The following SNX29 variants were observed in gnomAD, a reference collection of about 807,000 sequenced individuals.
SNX29 encodes the protein sorting nexin 29.
Under a neutral mutation model 102.1 loss-of-function variants are expected in SNX29, and 78 were observed. The observed-to-expected ratio is 0.76, with a 90% CI of 0.64 to 0.92. SNX29 has a LOEUF of 0.92. SNX29 is among the 40% of genes least tolerant of loss of function. The pLI, the probability that SNX29 is intolerant of heterozygous loss-of-function variation, is 0.00. For missense variants in SNX29, 1,280 were observed against 1,061.7 expected (o/e 1.21, Z -2.86); for synonymous variants, 580 against 414.5 (o/e 1.40, Z -4.85).
At chr16:12,166,646 T>C (rs1478579339) in intron 13 of SNX29, among the ~76,000 whole-genome samples, 2 of 152,196 alleles carry the variant, frequency 1.3e-5, no homozygotes, top group Non-Finnish European at 2.9e-5. Flanking sequence ...AATTGTTATG[T>C]AGACACAGCT....
At chr16:12,472,881 G>C (rs961161053) in intron 18 of SNX29, among the ~76,000 whole-genome samples, 8 of 152,158 alleles carry the variant, frequency 5.3e-5, no homozygotes, top group African/African-American at 1.9e-4. Flanking sequence ...GAAAGGGTTT[G>C]CCCCGATGCC....
At chr16:12,149,268 A>G (rs191403433) in intron 13 of SNX29, among the ~76,000 whole-genome samples, 49 of 152,276 alleles carry the variant, frequency 3.2e-4, no homozygotes, top group Non-Finnish European at 6.2e-4. Context: ...GTGTGTGCCA[A>G]CTTCTCGTAC....
intron 17 of SNX29, among the ~76,000 whole-genome samples, chr16:12,399,392 C>G (rs1228229319): frequency 6.6e-6 from 1 of 152,186 alleles, no homozygotes; most frequent in Non-Finnish European, 1.5e-5. Flanking sequence ...ACAAATAGAT[C>G]CCTTAGGCTG....
intron 15 of SNX29, among the ~76,000 whole-genome samples, chr16:12,302,560 A>AG (rs1491232082): frequency 1.3e-5 from 2 of 151,958 alleles, no homozygotes; most frequent in African/African-American, 4.9e-5. Context: ...GTGGAAGGAC[A>AG]GGGGGTCTCT....
At chr16:12,134,429 T>G (rs745717401) in intron 13 of SNX29, among the ~76,000 whole-genome samples, 19 of 152,340 alleles carry the variant, frequency 1.2e-4, no homozygotes, top group Non-Finnish European at 2.5e-4. Context: ...TGCTGTCATC[T>G]GAAGGCTTGA....
intron 19 of SNX29, chr16:12,515,393 C>A: frequency 2.4e-6 from 1 of 415,998 alleles, no homozygotes; most frequent in Admixed American, 2.6e-5. Context: ...ATATATGTGA[C>A]TGGAGAGCTG....
chr16:12,213,396 G>T (rs1345830744), intron 14 of SNX29, among the ~76,000 whole-genome samples: 5 of 152,104 alleles, frequency 3.3e-5, no homozygotes, highest in Admixed American at 3.3e-4. Flanking sequence ...TGAGTGACAG[G>T]TACACTGAAA....
chr16:12,481,618 T>G (rs1340989527), intron 19 of SNX29, among the ~76,000 whole-genome samples: 1 of 151,242 alleles, frequency 6.6e-6, no homozygotes, highest in Non-Finnish European at 1.5e-5. Flanking sequence ...CACAGCAACC[T>G]CCGTCTCCTG....
At chr16:12,093,253 A>C (rs966547137) in intron 11 of SNX29, among the ~76,000 whole-genome samples, 5 of 152,204 alleles carry the variant, frequency 3.3e-5, no homozygotes, top group Non-Finnish European at 5.9e-5. Flanking sequence ...GATCACGGCA[A>C]GTTGAGAAGC....
At chr16:12,241,583 T>A (rs1181377486) in intron 14 of SNX29, among the ~76,000 whole-genome samples, 1 of 152,146 alleles carries the variant, frequency 6.6e-6, no homozygotes, top group Non-Finnish European at 1.5e-5. Flanking sequence ...CCTGTCAGTC[T>A]CCTGGGTAGC....
chr16:12,421,372 G>A (rs2084864202), intron 18 of SNX29, among the ~76,000 whole-genome samples: 2 of 152,214 alleles, frequency 1.3e-5, no homozygotes, highest in South Asian at 4.1e-4. Context: ...GGTCTCAAAG[G>A]AGGTTTGGAG....
At chr16:12,485,057 T>C (rs967506306) in intron 19 of SNX29, among the ~76,000 whole-genome samples, 4 of 152,240 alleles carry the variant, frequency 2.6e-5, no homozygotes, top group African/African-American at 9.7e-5. Flanking sequence ...CTTCTTCGCT[T>C]TGCTGGGTGT....
At chr16:12,000,752 T>A (rs1031272197) in intron 2 of SNX29, among the ~76,000 whole-genome samples, 1 of 152,058 alleles carries the variant, frequency 6.6e-6, no homozygotes, top group African/African-American at 2.4e-5. Flanking sequence ...CTTGAGGCAT[T>A]GTATGGTAGG....
intron 14 of SNX29, among the ~76,000 whole-genome samples, chr16:12,264,113 G>A (rs8061068): frequency 1.3e-5 from 2 of 152,184 alleles, no homozygotes; most frequent in African/African-American, 2.4e-5. Flanking sequence ...ACTGTGTGCC[G>A]GCCAGCTGAG....
At chr16:12,028,956 C>T (rs1405878378) in intron 4 of SNX29, among the ~76,000 whole-genome samples, 2 of 152,200 alleles carry the variant, frequency 1.3e-5, no homozygotes, top group African/African-American at 4.8e-5. Context: ...CCATGTTGGC[C>T]AGGCTGGTCT....
chr16:11,983,426 T>C (rs959675689), intron 1 of SNX29, among the ~76,000 whole-genome samples: 5 of 152,118 alleles, frequency 3.3e-5, no homozygotes, highest in Non-Finnish European at 7.3e-5. Context: ...TCCTCGGCAC[T>C]GACTGGGCCC....
chr16:12,173,624 C>T (rs796434948), intron 13 of SNX29, among the ~76,000 whole-genome samples: 4 of 152,264 alleles, frequency 2.6e-5, no homozygotes, highest in African/African-American at 9.6e-5. Context: ...TATCTGTTAA[C>T]CAGGAGCCAA....
At chr16:12,537,072 G>C (rs866634749) in intron 20 of SNX29, among the ~76,000 whole-genome samples, 4 of 152,200 alleles carry the variant, frequency 2.6e-5, no homozygotes, top group African/African-American at 4.8e-5. Flanking sequence ...AGACGATGTA[G>C]ATTTATCCAT....
intron 18 of SNX29, among the ~76,000 whole-genome samples, chr16:12,442,541 G>GC (rs2085854086): frequency 6.6e-6 from 1 of 151,974 alleles, no homozygotes; most frequent in East Asian, 1.9e-4. Context: ...CAGAGTCAAG[G>GC]CAGCCATAGG....
Sources: allele counts gnomAD v4.1 joint callset (sites outside exome capture counted in the v4.1 genomes callset), GRCh38; gene constraint gnomAD v4.1.1; transcripts MANE v1.5; gene names NCBI Gene and HGNC (gene_info 2026-07-23, HGNC 2026-07-21).